The following DNAJC1 variants were observed in gnomAD, a reference collection of about 807,000 sequenced individuals.
DNAJC1 encodes DnaJ heat shock protein family (Hsp40) member C1.
A neutral mutation model predicts 76.6 loss-of-function variants in DNAJC1; 58 were observed. The ratio of observed to expected loss-of-function variants is 0.76; its 90% CI spans 0.61 to 0.94. The LOEUF is 0.94. DNAJC1 is among the 40% of genes least tolerant of loss of function. The probability of loss-of-function intolerance (pLI) is 0.00; values close to 1 mark genes in which losing one functional copy is unlikely to be tolerated. For missense variants in DNAJC1, 689 were observed against 677.3 expected (o/e 1.02, Z -0.19); for synonymous variants, 258 against 267.9 (o/e 0.96, Z 0.36).
chr10:21,918,517 C>T (rs1030011021), intron 6 of DNAJC1, among the ~76,000 whole-genome samples: 1 of 151,220 alleles, frequency 6.6e-6, no homozygotes, highest in African/African-American at 2.4e-5. Context: ...TATCTCTGTA[C>T]TAAAGATAGT....
chr10:21,980,549 G>A (rs1013633204), intron 1 of DNAJC1, among the ~76,000 whole-genome samples: 2 of 152,072 alleles, frequency 1.3e-5, no homozygotes, highest in African/African-American at 2.4e-5. Flanking sequence ...GTCCCAGAGT[G>A]GACATAAATG....
At chr10:21,992,276 A>C (rs990115886) in intron 1 of DNAJC1, among the ~76,000 whole-genome samples, 16 of 152,386 alleles carry the variant, frequency 1.0e-4, no homozygotes, top group African/African-American at 3.6e-4. Context: ...GTGCCATCGC[A>C]CACCAGCCTG....
At chr10:21,803,997 A>T (rs1834851275) in intron 9 of DNAJC1, 1 of 984,408 alleles carries the variant, frequency 1.0e-6, no homozygotes, top group Non-Finnish European at 1.2e-6. Flanking sequence ...AGGGAGGAAA[A>T]AAAGGAGACA....
intron 1 of DNAJC1, among the ~76,000 whole-genome samples, chr10:21,944,914 C>T (rs1221334413): frequency 3.3e-5 from 5 of 152,132 alleles, no homozygotes; most frequent in African/African-American, 7.2e-5. Flanking sequence ...AATAGGAAAA[C>T]ACTGGAAGAA....
At chr10:21,779,513 A>T (rs965810089) in intron 9 of DNAJC1, among the ~76,000 whole-genome samples, 14 of 152,242 alleles carry the variant, frequency 9.2e-5, no homozygotes, top group African/African-American at 3.4e-4. Flanking sequence ...AGCAAACTCC[A>T]GCAGATGTGC....
At chr10:21,803,757 G>C in intron 9 of DNAJC1, 1 of 826,686 alleles carries the variant, frequency 1.2e-6, no homozygotes, top group Non-Finnish European at 1.5e-6. Context: ...TATTGACATA[G>C]AAGAAAAGTT....
chr10:21,861,754 A>C (rs1399710857), intron 8 of DNAJC1, among the ~76,000 whole-genome samples: 1 of 152,014 alleles, frequency 6.6e-6, no homozygotes, highest in African/African-American at 2.4e-5. Context: ...TGGTAACGTC[A>C]GGAAGTTACC....
intron 9 of DNAJC1, among the ~76,000 whole-genome samples, chr10:21,786,796 A>G (rs1185694731): frequency 2.6e-5 from 4 of 152,070 alleles, no homozygotes; most frequent in Non-Finnish European, 5.9e-5. Context: ...TATCGATCCA[A>G]TTACCATCTA....
chr10:21,967,103 C>T (rs895605533), intron 1 of DNAJC1, among the ~76,000 whole-genome samples: 1 of 149,446 alleles, frequency 6.7e-6, no homozygotes, highest in Non-Finnish European at 1.5e-5. Context: ...TTTAAGTGTA[C>T]AACTTTTAAC....
At chr10:21,769,717 G>T (rs1358108538) in intron 9 of DNAJC1, among the ~76,000 whole-genome samples, 1 of 151,996 alleles carries the variant, frequency 6.6e-6, no homozygotes, top group Non-Finnish European at 1.5e-5. Context: ...CAGAGTTTCT[G>T]TTCTTGTTGT....
intron 8 of DNAJC1, among the ~76,000 whole-genome samples, chr10:21,812,482 T>A (rs1332327494): frequency 6.6e-6 from 1 of 152,234 alleles, no homozygotes; most frequent in East Asian, 1.9e-4. Flanking sequence ...AAGATTTTTT[T>A]ATATTTTGTA....
At chr10:21,789,967 G>GC (rs973370027) in intron 9 of DNAJC1, among the ~76,000 whole-genome samples, 2 of 120,428 alleles carry the variant, frequency 1.7e-5, no homozygotes, top group African/African-American at 6.5e-5. Context: ...CCAAGACTAA[G>GC]CCACTACACT....
chr10:21,854,738 A>G (rs1467241871), intron 8 of DNAJC1, among the ~76,000 whole-genome samples: 1 of 152,184 alleles, frequency 6.6e-6, no homozygotes, highest in East Asian at 1.9e-4. Flanking sequence ...GCCATTAATT[A>G]TAAGATACAC....
chr10:21,803,629 ATGTG>A (rs369489273), intron 9 of DNAJC1, among the ~76,000 whole-genome samples: 3 of 130,882 alleles, frequency 2.3e-5, no homozygotes, highest in Non-Finnish European at 3.3e-5. Flanking sequence ...GTGTGTATGT[ATGTG>A]TGTGTGTGTG....
At chr10:21,794,373 T>C (rs1480339239) in intron 9 of DNAJC1, among the ~76,000 whole-genome samples, 3 of 151,908 alleles carry the variant, frequency 2.0e-5, no homozygotes, top group Admixed American at 2.0e-4. Flanking sequence ...GATTTGCATA[T>C]TGAAAACACT....
At chr10:21,836,628 G>A (rs901961227) in intron 8 of DNAJC1, among the ~76,000 whole-genome samples, 3 of 152,154 alleles carry the variant, frequency 2.0e-5, no homozygotes, top group Admixed American at 6.5e-5. Context: ...ATGGGATGGA[G>A]GAAGATCTAC....
At chr10:21,964,627 A>G (rs1837858333) in intron 1 of DNAJC1, among the ~76,000 whole-genome samples, 1 of 151,588 alleles carries the variant, frequency 6.6e-6, no homozygotes, top group African/African-American at 2.4e-5. Context: ...TCAACGTTAC[A>G]TCTCAAACTT....
At chr10:21,912,031 T>C (rs1348521355) in intron 6 of DNAJC1, among the ~76,000 whole-genome samples, 2 of 152,178 alleles carry the variant, frequency 1.3e-5, no homozygotes, top group South Asian at 2.1e-4. Context: ...GATGGGCTTA[T>C]CAGGATGCAA....
chr10:21,765,584 C>T (rs1041871468), intron 10 of DNAJC1, among the ~76,000 whole-genome samples: 11 of 152,128 alleles, frequency 7.2e-5, no homozygotes, highest in Non-Finnish European at 1.5e-4. Flanking sequence ...CGGTGGCTCA[C>T]GCCTGTAATC....
Sources: gnomAD v4.1 joint callset for allele counts (sites outside exome capture counted in the v4.1 genomes callset) on GRCh38, gnomAD v4.1.1 for gene constraint, MANE v1.5 for transcripts, NCBI Gene and HGNC (gene_info 2026-07-23, HGNC 2026-07-21) for gene names.